SLCO5A1: variants seen among roughly 807,000 people sequenced by gnomAD.
The protein encoded by SLCO5A1 is organic anion transporter polypeptide-related protein 4.
SLCO5A1 carries 39 observed loss-of-function variants against 65.1 expected under a neutral mutation model. The observed-to-expected ratio is 0.60, with a 90% CI of 0.46 to 0.78. The LOEUF (loss-of-function observed/expected upper bound fraction) is 0.78, where lower values mean the gene tolerates loss of function less well. Among genes scored for constraint, SLCO5A1 ranks in the 30% least tolerant of loss-of-function variants. The pLI is 0.00. For missense variants in SLCO5A1, 1,029 were observed against 1,069.4 expected (o/e 0.96, Z 0.53); for synonymous variants, 438 against 415.7 (o/e 1.05, Z -0.65).
intron 2 of SLCO5A1, among the ~76,000 whole-genome samples, chr8:69,767,062 C>T (rs1818090660): frequency 6.6e-6 from 1 of 152,200 alleles, no homozygotes; most frequent in African/African-American, 2.4e-5. Flanking sequence ...TGTTTTTTGA[C>T]TGTGTCCCAA....
At chr8:69,823,093 T>A (rs1394299700) in intron 2 of SLCO5A1, among the ~76,000 whole-genome samples, 1 of 152,242 alleles carries the variant, frequency 6.6e-6, no homozygotes, top group Admixed American at 6.5e-5. Context: ...ATTCTTACTC[T>A]TTTCCCTGTT....
chr8:69,745,149 G>A (rs1346611894), intron 4 of SLCO5A1, among the ~76,000 whole-genome samples: 1 of 152,098 alleles, frequency 6.6e-6, no homozygotes, highest in African/African-American at 2.4e-5. Flanking sequence ...AGCATAATCT[G>A]ACATTTTCTT....
Position 69,831,750 on chromosome 8 carries a change from G to T in SLCO5A1, c.907+17C>A. 1 of 1,601,820 alleles carries T rather than the reference G, an allele frequency of 6.2e-7. No homozygotes were observed. Among genetic ancestry groups the T allele is most frequent in the South Asian group, 1.1e-5 (1 of 88,396 alleles). On this transcript the variant is annotated intron_variant, in intron 2 of 9. Transcript: ENST00000260126. ...CAGTGTGAGTGAAACATATCTGAGA[G>T]AACAGGAAAGTCTTACCTAGGTACA... is the stretch of plus-strand genomic sequence containing the variant.
chr8:69,758,221 C>T (rs927042882), intron 3 of SLCO5A1, among the ~76,000 whole-genome samples: 1 of 152,148 alleles, frequency 6.6e-6, no homozygotes, highest in East Asian at 1.9e-4. Context: ...GTGCCTCACT[C>T]TGTCACCCAG....
At chr8:69,824,492 C>T (rs1211758245) in intron 2 of SLCO5A1, among the ~76,000 whole-genome samples, 7 of 152,134 alleles carry the variant, frequency 4.6e-5, no homozygotes, top group African/African-American at 1.7e-4. Context: ...GAGAATACTA[C>T]AAACACCTCT....
In SLCO5A1 at chr8:69,671,481, A is replaced by T. The variant is rs1319791121; in HGVS notation, c.*1388T>A. ...GAACCCCTGAGCTAACTTGCTGTCA[A>T]TCCGTTAGCGCCGTCAGGAAGCATC... On this transcript the variant is annotated 3_prime_UTR_variant, in exon 10 of 10. Transcript: ENST00000260126. 1 of 152,228 alleles carries T rather than the reference A, an allele frequency of 6.6e-6. No individual in the cohort carries two copies. Among genetic ancestry groups the T allele is most frequent in the Admixed American group, 6.5e-5 (1 of 15,284 alleles). 9.4% of individuals were successfully genotyped at this position (152,228 alleles called of 1,614,324 possible). A position where few individuals can be genotyped will look rare whatever the true frequency, so the allele number is the denominator to read the frequency against.
chr8:69,825,031 T>G (rs947987096), intron 2 of SLCO5A1, among the ~76,000 whole-genome samples: 3 of 152,080 alleles, frequency 2.0e-5, no homozygotes, highest in Non-Finnish European at 2.9e-5. Flanking sequence ...AAAAACCACA[T>G]GATTATCTCA....
chr8:69,774,711 T>C (rs1818487576), intron 2 of SLCO5A1, among the ~76,000 whole-genome samples: 1 of 152,246 alleles, frequency 6.6e-6, no homozygotes. Flanking sequence ...AAACATTTTA[T>C]GCACATGCCT....
chr8:69,686,986 T>G (rs1586682608), intron 6 of SLCO5A1, among the ~76,000 whole-genome samples: 1 of 152,128 alleles, frequency 6.6e-6, no homozygotes, highest in Admixed American at 6.6e-5. Context: ...ATTAGGCGGG[T>G]GAATGTATGG....
Position 69,790,124 on chromosome 8 carries a change from C to T in SLCO5A1, c.908-28249G>A, listed in dbSNP as rs181641936. 3.2e-3 allele frequency among the ~76,000 whole-genome samples: 438 copies of T among 137,736 alleles called. 3 individuals carry two copies. The highest frequency in any genetic ancestry group is 9.3e-3 in the Middle Eastern group (2 of 214). 90.4% of individuals were successfully genotyped at this position (137,736 alleles called of 152,430 possible). ...AGAAGAATCACTTGAACCCAGGAGG[C>T]GGGGTTGCAGTGAGCCGAGATCATG... is the stretch of plus-strand genomic sequence containing the variant. On this transcript the variant is annotated intron_variant, in intron 2 of 9. Transcript: ENST00000260126.
At chr8:69,707,227 C>G (rs745394862) in intron 5 of SLCO5A1, among the ~76,000 whole-genome samples, 2 of 152,100 alleles carry the variant, frequency 1.3e-5, no homozygotes, top group African/African-American at 4.8e-5. Context: ...AAACAAACAA[C>G]TTAATAGAAA....
chr8:69,715,999 T>C (rs1037284370), intron 5 of SLCO5A1, among the ~76,000 whole-genome samples: 1 of 152,106 alleles, frequency 6.6e-6, no homozygotes, highest in East Asian at 1.9e-4. Context: ...CCCGCACTGC[T>C]CCAGCCCGAG....
chr8:69,729,446 CAAAAAAAAAAAAAAAAA>C (rs56392223), intron 5 of SLCO5A1, among the ~76,000 whole-genome samples: 2 of 80,486 alleles, frequency 2.5e-5, no homozygotes, highest in Non-Finnish European at 4.3e-5. Flanking sequence ...TCCGTCCCAA[CAAAAAAAAAAAAAAAAA>C]AAAAAAAAAG....
At chr8:69,826,789 A>G (rs889710606) in intron 2 of SLCO5A1, among the ~76,000 whole-genome samples, 4 of 152,150 alleles carry the variant, frequency 2.6e-5, no homozygotes, top group African/African-American at 9.7e-5. Context: ...CAGCCATCCC[A>G]TTACTGGGTA....
At chr8:69,830,984 T>C (rs892052733) in intron 2 of SLCO5A1, among the ~76,000 whole-genome samples, 1 of 152,192 alleles carries the variant, frequency 6.6e-6, no homozygotes, top group Non-Finnish European at 1.5e-5. Flanking sequence ...TTTTAGATAG[T>C]GGTGCAGGTG....
At chr8:69,723,833 C>A (rs545562547) in intron 5 of SLCO5A1, among the ~76,000 whole-genome samples, 1 of 145,890 alleles carries the variant, frequency 6.9e-6, no homozygotes, top group African/African-American at 2.5e-5. Context: ...GGTGCAATGG[C>A]GCAATCTCGG....
chr8:69,707,615 G>A (rs1291658471), intron 5 of SLCO5A1, among the ~76,000 whole-genome samples: 1 of 152,186 alleles, frequency 6.6e-6, no homozygotes, highest in Non-Finnish European at 1.5e-5. Flanking sequence ...AGCTGCGGCT[G>A]ACAGGATGGA....
intron 2 of SLCO5A1, among the ~76,000 whole-genome samples, chr8:69,769,663 T>C (rs1444055358): frequency 3.9e-5 from 6 of 152,234 alleles, no homozygotes; most frequent in Non-Finnish European, 8.8e-5. Context: ...CTTTATGTTA[T>C]CTTAGTAAGT....
chr8:69,725,363 G>A (rs1816013511), intron 5 of SLCO5A1, among the ~76,000 whole-genome samples: 1 of 152,058 alleles, frequency 6.6e-6, no homozygotes, highest in African/African-American at 2.4e-5. Flanking sequence ...TTTAAACATC[G>A]AGCTACCTTA....
Sources: gnomAD v4.1 joint callset for allele counts (sites outside exome capture counted in the v4.1 genomes callset) on GRCh38, gnomAD v4.1.1 for gene constraint, MANE v1.5 for transcripts, NCBI Gene and HGNC (gene_info 2026-07-23, HGNC 2026-07-21) for gene names.